The following ZDHHC1 variants were observed in gnomAD, a reference collection of about 807,000 sequenced individuals.
ZDHHC1 encodes palmitoyltransferase ZDHHC1.
A neutral mutation model predicts 46.9 loss-of-function variants in ZDHHC1; 45 were observed. The observed-to-expected ratio is 0.96, with a 90% confidence interval of 0.76 to 1.23. The LOEUF is 1.23. ZDHHC1 is among the 50% of genes most tolerant of loss of function. The pLI, the probability that ZDHHC1 is intolerant of heterozygous loss-of-function variation, is 0.00. For missense variants in ZDHHC1, 649 were observed against 670.8 expected (o/e 0.97, Z 0.36); for synonymous variants, 291 against 286.0 (o/e 1.02, Z -0.18).
At chr16:67,411,181 A>G (rs1463821692) in intron 1 of ZDHHC1, among the ~76,000 whole-genome samples, 2 of 152,180 alleles carry the variant, frequency 1.3e-5, no homozygotes, top group Non-Finnish European at 2.9e-5. Context: ...CCAGCCCTGG[A>G]GAGACTGCGG....
chr16:67,400,946 C>T lies in ZDHHC1; in HGVS notation c.428+11G>A. 1.2e-6 allele frequency: 2 copies of T among 1,612,646 alleles called. No individual in the cohort carries two copies. Among genetic ancestry groups the T allele is most frequent in the Non-Finnish European group, 1.7e-6 (2 of 1,179,328 alleles). ...CACACTCGGCAGCCACAAGCACCCA[C>T]ACACACTCACACATCCACGTTGCAC... On this transcript the variant is annotated intron_variant, in intron 4 of 11. Coordinates refer to ENST00000565726, the MANE Select transcript of ZDHHC1 (RefSeq NM_001323627.2).
rs549945060 is a variant in ZDHHC1, at chr16:67,406,489, G to A, written c.10-47C>T. Reference sequence around the variant, plus strand: ...AGAGAGCATTAGCCCAAGAAGCTGGGCTGGAGCCCAGGGCCTGTGTCTGCA... The same window carrying A: ...AGAGAGCATTAGCCCAAGAAGCTGGACTGGAGCCCAGGGCCTGTGTCTGCA... On this transcript the variant is annotated intron_variant, in intron 2 of 11. Transcript: ENST00000565726. This position sits in a 1 kb window ranked among gnomAD's most constrained non-coding sequence, Gnocchi z 4.1. 6 of 1,458,498 alleles carry A rather than the reference G, an allele frequency of 4.1e-6. No homozygotes were observed. The African/African-American group carries it at 7.1e-5, about 17-fold the overall frequency. The allele number at this position is 1,458,498 out of a possible 1,614,324, so 90.3% of individuals were successfully genotyped here.
chr16:67,395,719 G>A, intron 8 of ZDHHC1, 153 bp from the exon 9 acceptor site: 1 of 743,284 alleles, frequency 1.3e-6, no homozygotes, highest in Non-Finnish European at 2.2e-6. Flanking sequence ...AACCCCATCT[G>A]TAGGGTAAGG....
chr16:67,395,487 G>A lies in ZDHHC1; in HGVS notation c.1007C>T (p.Ala336Val), dbSNP rs143510690. The change falls in exon 9 of 12, where the codon GCC becomes GTC. Residue 336 changes from alanine to valine, a missense_variant. Physicochemically the swap from Ala to Val is moderately conservative, Grantham distance 64. Transcript: ENST00000565726. Reference protein sequence around the residue: ...PGQAGPAAVNANPSQFLATRG... With the variant: ...PGQAGPAAVNVNPSQFLATRG... ...CACATGCCCAGGTTGCACTCACTTG[G>A]CATTCACTGCTGCTGGCCCGGCCTG... 19 of 1,553,066 alleles carry A rather than the reference G, an allele frequency of 1.2e-5. No homozygotes were observed. The South Asian group carries it at 1.4e-4, about 12-fold the overall frequency.
chr16:67,398,227 C>G lies in ZDHHC1; in HGVS notation c.912G>C (p.Lys304Asn). The change falls in exon 8 of 12, where the codon AAG (lysine) becomes AAC (asparagine). Residue 304 changes from lysine (K) to asparagine (N), a missense_variant. Physicochemically the swap from Lys to Asn is moderately conservative, Grantham distance 94. Transcript: ENST00000565726. ...TCCTCTATACCTGAATGGGCCGCAT[C>G]TTGGGAGGACATGACTCGAGCTCCC... ...VHRELESCPP[K>N]MRPIQEMEFY... 6.2e-7 allele frequency: 1 copy of G among 1,613,938 alleles called. No homozygotes were observed. Among genetic ancestry groups the G allele is most frequent in the South Asian group, 1.1e-5 (1 of 91,080 alleles).
chr16:67,398,817 G>C lies in ZDHHC1; in HGVS notation c.655+3C>G. The C allele has an allele frequency of 1.2e-6, 2 of 1,612,654 alleles. No homozygotes were observed. Among genetic ancestry groups the C allele is most frequent in the East Asian group, 4.5e-5 (2 of 44,824 alleles). On this transcript the variant is annotated splice_donor_region_variant and intron_variant, in intron 6 of 11. Coordinates refer to ENST00000565726, the MANE Select transcript of ZDHHC1 (RefSeq NM_001323627.2). ...TGAGAATAGGCCCGGAGCCTAAACTGACCTTCAAAGTGTCGGTTGGTGCGC... is the reference window on the plus strand; with the variant it reads ...TGAGAATAGGCCCGGAGCCTAAACTCACCTTCAAAGTGTCGGTTGGTGCGC...
At position 67,398,583 on chromosome 16, in the gene ZDHHC1, G is replaced by T. The variant is rs980306135; in HGVS notation, c.804C>A (p.His268Gln). ...GCAGGAGGCACTTACTGAGATAAAT[G>T]TGGAAGCAGAGCAGGTGCCCCAGGA... is the stretch of plus-strand genomic sequence containing the variant. ...TALLGHLLCFHIYLMWHKLTT... is the reference protein window; with the variant it reads ...TALLGHLLCFQIYLMWHKLTT... The change falls in exon 7 of 12, where the codon CAC becomes CAA. Residue 268 changes from histidine to glutamine, a missense_variant. Coordinates refer to ENST00000565726, the MANE Select transcript of ZDHHC1 (RefSeq NM_001323627.2). 6.2e-7 allele frequency: 1 copy of T among 1,601,248 alleles called. No individual in the cohort carries two copies. Among genetic ancestry groups the T allele is most frequent in the African/African-American group, 1.3e-5 (1 of 74,828 alleles).
chr16:67,409,253 G>A (rs543135463), intron 1 of ZDHHC1, among the ~76,000 whole-genome samples: 3 of 150,816 alleles, frequency 2.0e-5, no homozygotes, highest in African/African-American at 4.9e-5. Flanking sequence ...CAGGATACCC[G>A]CTGATACTCC....
chr16:67,410,337 T>C (rs1289480776), intron 1 of ZDHHC1, among the ~76,000 whole-genome samples: 1 of 152,130 alleles, frequency 6.6e-6, no homozygotes, highest in Non-Finnish European at 1.5e-5. Context: ...AGCTGCATCT[T>C]TGCAAGGCTC....
In ZDHHC1 at chr16:67,404,993, C is replaced by T. The variant is rs181159027; in HGVS notation, c.252+1207G>A. Reference sequence around the variant, plus strand: ...AGATCACAGGAGGAATGTCCCATGACGCATTCCCATGTCCCATGACTTAAC... The same window carrying T: ...AGATCACAGGAGGAATGTCCCATGATGCATTCCCATGTCCCATGACTTAAC... On this transcript the variant is annotated intron_variant, in intron 3 of 11. Transcript: ENST00000565726. 6.6e-5 allele frequency among the ~76,000 whole-genome samples: 10 copies of T among 152,326 alleles called. No individual in the cohort carries two copies. In the East Asian group the frequency reaches 1.2e-3, roughly 18 times the overall value.
intron 8 of ZDHHC1, 135 bp from the exon 9 acceptor site, chr16:67,395,701 G>T: frequency 1.1e-6 from 1 of 883,464 alleles, no homozygotes; most frequent in Non-Finnish European, 1.7e-6. Context: ...TCCCAGCCAT[G>T]CTGGGAAAAC....
rs543657560 is a variant in ZDHHC1 at position 67,407,519 on chromosome 16, G to C, written c.9+248C>G. ...CACCTTTCTCACTTCTCAATCCACA[G>C]AATGAGGCTTGATCTTCAGAGCCAA... is the stretch of plus-strand genomic sequence containing the variant. On this transcript the variant is annotated intron_variant, in intron 2 of 11. Transcript: ENST00000565726. 3.5e-4 allele frequency among the ~76,000 whole-genome samples: 53 copies of C among 152,320 alleles called. No homozygotes were observed. The South Asian group carries it at 6.0e-3, about 17-fold the overall frequency.
chr16:67,410,029 G>C (rs1019798076), intron 1 of ZDHHC1, among the ~76,000 whole-genome samples: 2 of 152,090 alleles, frequency 1.3e-5, no homozygotes, highest in Non-Finnish European at 2.9e-5. Context: ...GCAGGACCCA[G>C]TGAGAGATGG....
At position 67,401,201 on chromosome 16, in the gene ZDHHC1, G is replaced by A. The variant is rs766770974; in HGVS notation, c.253-69C>T. The stretch of plus-strand genomic sequence containing the variant: ...AGTCCTGCCCCGTTCCTTGCAGCCA[G>A]AGAACTCCCCACTGCCATGCCAGCC... On this transcript the variant is annotated intron_variant, in intron 3 of 11. Coordinates refer to ENST00000565726, the MANE Select transcript of ZDHHC1 (RefSeq NM_001323627.2). The surrounding 1 kb of genome is among the most constrained non-coding windows in gnomAD (Gnocchi z 4.6). 15 of 1,572,442 alleles carry A rather than the reference G, an allele frequency of 9.5e-6. No homozygotes were observed. The highest frequency in any genetic ancestry group is 2.7e-5 in the African/African-American group (2 of 74,218).
At chr16:67,400,116 A>G (rs2040522229) in intron 4 of ZDHHC1, among the ~76,000 whole-genome samples, 1 of 152,142 alleles carries the variant, frequency 6.6e-6, no homozygotes, top group Non-Finnish European at 1.5e-5. Flanking sequence ...CAGCTGCTGG[A>G]GCAGCTGCTC....
rs551780359 is a variant in ZDHHC1, at chr16:67,398,390, G to A, written c.815-66C>T. On this transcript the variant is annotated intron_variant, in intron 7 of 11. Transcript: ENST00000565726. ...ACTCTGGAGCTCAGAACAGGAGGGA[G>A]GACAACCAGCCCCAGGCTGAAACCA... The A allele has an allele frequency of 1.8e-5, 28 of 1,555,550 alleles. No homozygotes were observed. The South Asian group carries it at 2.9e-4, about 16-fold the overall frequency.
chr16:67,398,349 G>T (rs749966419), intron 7 of ZDHHC1, 25 bp from the exon 8 acceptor site: 1 of 1,604,688 alleles, frequency 6.2e-7, no homozygotes, highest in Non-Finnish European at 8.5e-7. Context: ...AGAGGGCTCA[G>T]TGCGGTGGAA....
chr16:67,405,907 T>C (rs1459989466), intron 3 of ZDHHC1, among the ~76,000 whole-genome samples: 6 of 152,238 alleles, frequency 3.9e-5, no homozygotes, highest in Admixed American at 3.9e-4. Flanking sequence ...GGTTTGAGGC[T>C]CCTCCTTCTA....
In ZDHHC1 at chr16:67,400,963, A is replaced by G. The variant is rs1377845092; in HGVS notation, c.422T>C (p.Val141Ala). 1 of 1,613,736 alleles carries G rather than the reference A, an allele frequency of 6.2e-7. No homozygotes were observed. The highest frequency in any genetic ancestry group is 8.5e-7 in the Non-Finnish European group (1 of 1,179,888). The change falls in exon 4 of 12, where the codon GTG (valine) becomes GCG (alanine). Residue 141 changes from valine to alanine, a missense_variant. Transcript: ENST00000565726. ...IEDLHCNLCN[V>A]DVSARSKHCS... ...AGCACCCACACACACTCACACATCC[A>G]CGTTGCACAAGTTGCAGTGCAGGTC...
Sources: allele counts gnomAD v4.1 joint callset (sites outside exome capture counted in the v4.1 genomes callset), GRCh38; gene constraint gnomAD v4.1.1; non-coding constraint Gnocchi (gnomAD v3.1); transcripts MANE v1.5; gene names NCBI Gene and HGNC (gene_info 2026-07-23, HGNC 2026-07-21).